SLBP: variants seen among roughly 807,000 people sequenced by gnomAD.
SLBP encodes the protein histone RNA hairpin-binding protein.
A neutral mutation model predicts 39.2 loss-of-function variants in SLBP; 29 were observed. The observed-to-expected ratio is 0.74, with a 90% CI of 0.55 to 1.01. SLBP has a LOEUF of 1.01. SLBP is among the 50% of genes least tolerant of loss of function. The pLI, the probability that SLBP is intolerant of heterozygous loss-of-function variation, is 0.00. For synonymous variants in SLBP, 129 were observed against 118.7 expected (o/e 1.09, Z -0.57); for missense variants, 390 against 350.2 (o/e 1.11, Z -0.91).
rs369039404 is a variant in SLBP at position 1,701,146 on chromosome 4, C to CTTTT, written c.282-1080_282-1077dup. On this transcript the variant is annotated intron_variant, in intron 3 of 7. Coordinates refer to ENST00000489418, the MANE Select transcript of SLBP (RefSeq NM_006527.4). The stretch of plus-strand genomic sequence containing the variant: ...GATGAAAATCCATTTTCTTTTTTTT[C>CTTTT]TTTTTTTTTTTTTTTTTGAGACGGA... Among the ~76,000 whole-genome samples, 350 of 123,652 alleles carry CTTTT rather than the reference C, an allele frequency of 2.8e-3. 13 individuals are homozygous for CTTTT. Among genetic ancestry groups the CTTTT allele is most frequent in the South Asian group, 8.8e-3 (34 of 3,848 alleles). 81.1% of individuals were successfully genotyped at this position (123,652 alleles called of 152,430 possible). A position where few individuals can be genotyped will look rare whatever the true frequency, so the allele number is the denominator to read the frequency against.
intron 1 of SLBP, 27 bp downstream of exon 1, chr4:1,712,103 C>A: frequency 8.1e-7 from 1 of 1,227,504 alleles, no homozygotes; most frequent in South Asian, 3.9e-5. Context: ...CACGCGCTCC[C>A]TCGCCCGCCG....
chr4:1,712,028 T>C lies in SLBP; in HGVS notation c.60-38A>G, dbSNP rs989818250. 21 of 1,258,576 alleles carry C rather than the reference T, an allele frequency of 1.7e-5. No homozygotes were observed. The African/African-American group carries it at 2.8e-4, about 17-fold the overall frequency. 78.0% of individuals were successfully genotyped at this position (1,258,576 alleles called of 1,614,324 possible). A position where few individuals can be genotyped will look rare whatever the true frequency, so the allele number is the denominator to read the frequency against. On this transcript the variant is annotated intron_variant, in intron 1 of 7. Transcript: ENST00000489418. ...ACGCGGTCGGCTGGGCACGGGAGGT[T>C]CGGGACCGCCTTACAACCTCCGCCC...
rs1012899512 is a variant in SLBP, at chr4:1,712,138, A to C, written c.51T>G (p.Gly17=). ...SPPRHQSRCD[G]DASPPSPARW... ...GCGCAGCCCGGCCTCACCTGGCGTCACCGTCGCAGCGGCTCTGATGCCTCG... is the reference window on the plus strand; with the variant it reads ...GCGCAGCCCGGCCTCACCTGGCGTCCCCGTCGCAGCGGCTCTGATGCCTCG... The change falls in exon 1 of 8, where the codon GGT becomes GGG. Residue 17 remains glycine (G), a synonymous_variant. Transcript: ENST00000489418. 1 of 1,230,530 alleles carries C rather than the reference A, an allele frequency of 8.1e-7. No homozygotes were observed. The highest frequency in any genetic ancestry group is 1.6e-5 in the African/African-American group (1 of 63,794). The allele number at this position is 1,230,530 out of a possible 1,614,324, so 76.2% of individuals were successfully genotyped here.
chr4:1,703,889 ACCT>A (rs1359611991), intron 2 of SLBP, among the ~76,000 whole-genome samples, 189 bp from the exon 3 acceptor site: 1 of 152,126 alleles, frequency 6.6e-6, no homozygotes, highest in Admixed American at 6.6e-5. Context: ...AGATAGTGAG[ACCT>A]CATCTCTGTC....
At chr4:1,698,138 G>A (rs1716187680) in intron 5 of SLBP, among the ~76,000 whole-genome samples, 2 of 151,758 alleles carry the variant, frequency 1.3e-5, no homozygotes, top group African/African-American at 4.8e-5. Flanking sequence ...GAGACAGACG[G>A]ATCACGAGAT....
At chr4:1,709,904 G>T (rs558160232) in intron 2 of SLBP, among the ~76,000 whole-genome samples, 1 of 151,258 alleles carries the variant, frequency 6.6e-6, no homozygotes, top group African/African-American at 2.4e-5. Flanking sequence ...CACCGCGCCC[G>T]GCCTACTTCT....
At chr4:1,709,369 C>CAG (rs1418827265) in intron 2 of SLBP, among the ~76,000 whole-genome samples, 1 of 152,228 alleles carries the variant, frequency 6.6e-6, no homozygotes, top group Non-Finnish European at 1.5e-5. Context: ...TAATTGCCAT[C>CAG]ATGTTCCCAT....
At position 1,712,234 on chromosome 4, in the gene SLBP, C is replaced by T; in HGVS notation, c.-46G>A. On this transcript the variant is annotated 5_prime_UTR_variant, in exon 1 of 8. Transcript: ENST00000489418. The stretch of plus-strand genomic sequence containing the variant: ...CAGCGCAGGGCCGAGGCTGAGGCGG[C>T]GGCGGCGCGGGCAGAGAGCGCAGAG... 2.5e-6 allele frequency: 3 copies of T among 1,181,460 alleles called. No individual in the cohort carries two copies. Among genetic ancestry groups the T allele is most frequent in the Non-Finnish European group, 3.2e-6 (3 of 926,154 alleles). 73.2% of individuals were successfully genotyped at this position (1,181,460 alleles called of 1,614,324 possible).
At chr4:1,695,579 C>T (rs917499236) in intron 6 of SLBP, among the ~76,000 whole-genome samples, 3 of 152,078 alleles carry the variant, frequency 2.0e-5, no homozygotes, top group African/African-American at 7.2e-5. Context: ...GCGGGTAGAT[C>T]ACAAGGTCAG....
At chr4:1,708,171 G>A (rs144012607) in intron 2 of SLBP, among the ~76,000 whole-genome samples, 9 of 151,760 alleles carry the variant, frequency 5.9e-5, no homozygotes, top group Admixed American at 5.9e-4. Context: ...AGAACTGCTT[G>A]AACTTGGAAG....
At chr4:1,702,512 G>A (rs1205689155) in intron 3 of SLBP, among the ~76,000 whole-genome samples, 1 of 152,156 alleles carries the variant, frequency 6.6e-6, no homozygotes, top group African/African-American at 2.4e-5. Flanking sequence ...TTGAGACCCT[G>A]TTTATCAGCC....
In SLBP at chr4:1,692,761, G is replaced by A. The variant is rs1291332920; in HGVS notation, c.*836C>T. The A allele has an allele frequency of 6.6e-6, 1 of 152,634 alleles. No homozygotes were observed. The highest frequency in any genetic ancestry group is 1.5e-5 in the Non-Finnish European group (1 of 68,042). The allele number at this position is 152,634 out of a possible 1,614,324, so 9.5% of individuals were successfully genotyped here. A position where few individuals can be genotyped will look rare whatever the true frequency, so the allele number is the denominator to read the frequency against. The stretch of plus-strand genomic sequence containing the variant: ...ACCCTCCAAACATGTCAGCTCTCAC[G>A]GCAGCTGGCCCACCTGGCAACAGCC... On this transcript the variant is annotated 3_prime_UTR_variant, in exon 8 of 8. Transcript: ENST00000489418.
At chr4:1,698,501 T>C (rs528892591) in intron 5 of SLBP, among the ~76,000 whole-genome samples, 190 of 151,934 alleles carry the variant, frequency 1.3e-3, no homozygotes, top group Non-Finnish European at 2.0e-3. Flanking sequence ...ATTGTTTTTT[T>C]TGAGATGGAG....
chr4:1,703,958 C>T (rs1040178755), intron 2 of SLBP, among the ~76,000 whole-genome samples: 2 of 152,096 alleles, frequency 1.3e-5, no homozygotes, highest in African/African-American at 4.8e-5. Flanking sequence ...TCAAACCATA[C>T]TAAACTGGAG....
chr4:1,698,658 G>C (rs765026756), intron 5 of SLBP, among the ~76,000 whole-genome samples: 80 of 151,626 alleles, frequency 5.3e-4, no homozygotes, highest in Non-Finnish European at 1.0e-3. Context: ...CAAATTTCTT[G>C]TATTTTTAGT....
At chr4:1,696,950 A>T (rs1161287835) in intron 5 of SLBP, among the ~76,000 whole-genome samples, 1 of 151,472 alleles carries the variant, frequency 6.6e-6, no homozygotes, top group Non-Finnish European at 1.5e-5. Context: ...TGAACTCAAG[A>T]GCCTGAGATC....
At chr4:1,709,930 CAATA>C (rs1205372821) in intron 2 of SLBP, among the ~76,000 whole-genome samples, 6 of 151,640 alleles carry the variant, frequency 4.0e-5, no homozygotes, top group East Asian at 1.9e-4. Flanking sequence ...TGATTGTACT[CAATA>C]AATAGTGTGG....
chr4:1,710,588 G>C (rs1190834445), intron 2 of SLBP, among the ~76,000 whole-genome samples: 2 of 152,154 alleles, frequency 1.3e-5, no homozygotes, highest in South Asian at 2.1e-4. Flanking sequence ...GAGAAAAGTA[G>C]GTTGAAGGAG....
intron 5 of SLBP, among the ~76,000 whole-genome samples, chr4:1,696,994 T>C (rs1341156752): frequency 6.6e-6 from 1 of 150,450 alleles, no homozygotes; most frequent in African/African-American, 2.4e-5. Flanking sequence ...TCATCTCTAC[T>C]AAAAATACCA....
Sources: allele counts gnomAD v4.1 joint callset (sites outside exome capture counted in the v4.1 genomes callset), GRCh38; gene constraint gnomAD v4.1.1; transcripts MANE v1.5; gene names NCBI Gene and HGNC (gene_info 2026-07-23, HGNC 2026-07-21).